The following NXPE2 variants were observed in gnomAD, a reference collection of about 807,000 sequenced individuals.
NXPE2 encodes the protein neurexophilin and PC-esterase domain family member 2.
Under a neutral mutation model 34.4 loss-of-function variants are expected in NXPE2, and 34 were observed. That is an observed-to-expected ratio of 0.99 (90% CI 0.75 to 1.31). NXPE2 has a LOEUF of 1.31. Among genes scored for constraint, NXPE2 ranks in the 40% most tolerant of loss-of-function variants. The pLI, the probability that NXPE2 is intolerant of heterozygous loss-of-function variation, is 0.00. For missense variants in NXPE2, 649 were observed against 672.5 expected (o/e 0.97, Z 0.39); for synonymous variants, 235 against 231.3 (o/e 1.02, Z -0.15).
the NXPE2 span, among the ~76,000 whole-genome samples, chr11:114,613,005 A>G: frequency 2.0e-5 from 3 of 152,090 alleles, no homozygotes; most frequent in African/African-American, 7.2e-5. Flanking sequence ...ATGGATAATT[A>G]GTGTTGCCTC....
At chr11:114,582,416 G>A in the NXPE2 span, 26 of 1,614,100 alleles carry the variant, frequency 1.6e-5, no homozygotes, top group Non-Finnish European at 2.5e-6. Flanking sequence ...GGTCTCTGTT[G>A]TCCAGGTACT....
chr11:114,649,939 C>T, the NXPE2 span, among the ~76,000 whole-genome samples: 1 of 152,120 alleles, frequency 6.6e-6, no homozygotes, highest in Non-Finnish European at 1.5e-5. Context: ...TTCAATTGTA[C>T]ATTTGAAATG....
the NXPE2 span, among the ~76,000 whole-genome samples, chr11:114,799,220 TATTTGTG>T: frequency 6.5e-4 from 97 of 149,866 alleles, 1 homozygote; most frequent in African/African-American, 2.2e-3. Context: ...TTTATTTGGG[TATTTGTG>T]ATAATTAATA....
chr11:114,799,978 CTCTCCCTCTTTCTTTCT>C, the NXPE2 span, among the ~76,000 whole-genome samples: 1 of 104,528 alleles, frequency 9.6e-6, no homozygotes, highest in East Asian at 3.1e-4. Flanking sequence ...TCCCTCCTCC[CTCTCCCTCTTTCTTTCT>C]AGGTAGTGTT....
the NXPE2 span, among the ~76,000 whole-genome samples, chr11:114,771,919 G>C: frequency 6.6e-6 from 1 of 152,222 alleles, no homozygotes; most frequent in African/African-American, 2.4e-5. Flanking sequence ...ACTGATGAGT[G>C]GCACCACTTT....
chr11:114,586,569 C>T, the NXPE2 span, among the ~76,000 whole-genome samples: 1 of 152,118 alleles, frequency 6.6e-6, no homozygotes, highest in Non-Finnish European at 1.5e-5. Context: ...CCTCAGGGTG[C>T]TGGGAATGTT....
chr11:114,803,330 T>A, the NXPE2 span, among the ~76,000 whole-genome samples: 2 of 152,238 alleles, frequency 1.3e-5, no homozygotes, highest in African/African-American at 2.4e-5. Context: ...TTTATAATAG[T>A]GACAGTTGGC....
At chr11:114,638,527 G>A in the NXPE2 span, among the ~76,000 whole-genome samples, 1 of 152,016 alleles carries the variant, frequency 6.6e-6, no homozygotes, top group Admixed American at 6.6e-5. Context: ...TTCCTTTCGA[G>A]GAGGAGAGGT....
chr11:114,577,086 CAT>C, the NXPE2 span, among the ~76,000 whole-genome samples: 27,206 of 118,876 alleles, frequency 0.23, 3,981 homozygotes, highest in African/African-American at 0.41. Flanking sequence ...TATATATATA[CAT>C]ATATATATAA....
At chr11:114,478,438 A>G in the NXPE2 span, among the ~76,000 whole-genome samples, 1 of 152,176 alleles carries the variant, frequency 6.6e-6, no homozygotes, top group Non-Finnish European at 1.5e-5. Context: ...CAAATTTTCT[A>G]AAGGAAATGC....
chr11:114,488,136 T>G, the NXPE2 span, among the ~76,000 whole-genome samples: 1 of 152,176 alleles, frequency 6.6e-6, no homozygotes, highest in Non-Finnish European at 1.5e-5. Context: ...GGTCCTGGGC[T>G]TTTCTTTGCT....
the NXPE2 span, among the ~76,000 whole-genome samples, chr11:114,602,201 ATAC>A: frequency 9.2e-6 from 1 of 108,454 alleles, no homozygotes; most frequent in African/African-American, 3.7e-5. Flanking sequence ...ATAATATATA[ATAC>A]TATATACAAT....
At chr11:114,489,701 C>T in the NXPE2 span, among the ~76,000 whole-genome samples, 1 of 152,182 alleles carries the variant, frequency 6.6e-6, no homozygotes, top group African/African-American at 2.4e-5. Context: ...ATTGATGGGA[C>T]ATATCTCAAA....
the NXPE2 span, among the ~76,000 whole-genome samples, chr11:114,483,708 T>A: frequency 6.6e-6 from 1 of 152,216 alleles, no homozygotes; most frequent in African/African-American, 2.4e-5. Context: ...TAAGCGGGTA[T>A]CTTTCAGATG....
At chr11:114,726,549 A>C in the NXPE2 span, among the ~76,000 whole-genome samples, 1 of 152,016 alleles carries the variant, frequency 6.6e-6, no homozygotes. Context: ...TCACACCTTT[A>C]TTGTTGTATG....
the NXPE2 span, among the ~76,000 whole-genome samples, chr11:114,495,142 GGGACGGTGC>G: frequency 1.3e-5 from 2 of 152,146 alleles, no homozygotes; most frequent in Non-Finnish European, 2.9e-5. Flanking sequence ...CACCACCAGT[GGGACGGTGC>G]TGGATCAGAC....
At chr11:114,579,166 C>T in the NXPE2 span, among the ~76,000 whole-genome samples, 1 of 152,116 alleles carries the variant, frequency 6.6e-6, no homozygotes, top group African/African-American at 2.4e-5. Context: ...GCCAGTGTGT[C>T]ACATGGTGAG....
At chr11:114,678,164 T>C (rs1188476039), upstream of NXPE2, among the ~76,000 whole-genome samples, 2 of 152,060 alleles carry the variant, frequency 1.3e-5, no homozygotes, top group Non-Finnish European at 2.9e-5. Flanking sequence ...GACTCAGGGC[T>C]TCTGTTTTTC....
the NXPE2 span, among the ~76,000 whole-genome samples, chr11:114,751,918 G>A: frequency 3.2e-3 from 480 of 152,324 alleles, 2 homozygotes; most frequent in African/African-American, 0.01. Context: ...AAGATGCCAT[G>A]ATGATGGCTT....
Sources: allele counts gnomAD v4.1 joint callset (sites outside exome capture counted in the v4.1 genomes callset), GRCh38; gene constraint gnomAD v4.1.1; transcripts MANE v1.5; gene names NCBI Gene and HGNC (gene_info 2026-07-23, HGNC 2026-07-21).